SLC14A2: variants seen among roughly 807,000 people sequenced by gnomAD.
SLC14A2 encodes urea transporter 2.
SLC14A2 carries 91 observed loss-of-function variants against 104.6 expected under a neutral mutation model. The observed-to-expected ratio is 0.87, with a 90% CI of 0.73 to 1.04. The LOEUF is 1.04. Ranked by LOEUF, SLC14A2 falls within the 50% of genes least tolerant of loss-of-function variation. The probability of loss-of-function intolerance (pLI) is 0.00; values close to 1 mark genes in which losing one functional copy is unlikely to be tolerated. For missense variants in SLC14A2, 1,189 were observed against 1,156.0 expected, an observed-to-expected ratio of 1.03 and a Z score of -0.41; for synonymous variants, 476 against 466.4, an observed-to-expected ratio of 1.02 and a Z score of -0.27.
chr18:45,664,300 T>C (rs1007144382), intron 11 of SLC14A2, among the ~76,000 whole-genome samples: 1 of 152,114 alleles, frequency 6.6e-6, no homozygotes, highest in South Asian at 2.1e-4. Flanking sequence ...GATGAACAGT[T>C]CCCATCTATG....
chr18:45,309,453 T>C (rs2144210975), intron 1 of SLC14A2, among the ~76,000 whole-genome samples: 1 of 146,444 alleles, frequency 6.8e-6, no homozygotes, highest in East Asian at 1.9e-4. Flanking sequence ...ATTCCCATTG[T>C]ACAGATGGAT....
chr18:45,545,409 T>G (rs1160410053), intron 2 of SLC14A2, among the ~76,000 whole-genome samples: 1 of 152,220 alleles, frequency 6.6e-6, no homozygotes, highest in Non-Finnish European at 1.5e-5. Flanking sequence ...ATCATGCTCT[T>G]GGGCTGATTT....
At chr18:45,573,776 G>A (rs2044381441) in intron 2 of SLC14A2, among the ~76,000 whole-genome samples, 1 of 152,126 alleles carries the variant, frequency 6.6e-6, no homozygotes, top group African/African-American at 2.4e-5. Flanking sequence ...AAATTCTGTA[G>A]GCCAATGAGT....
At chr18:45,424,089 G>C (rs919112090) in intron 1 of SLC14A2, 1 of 152,256 alleles carries the variant, frequency 6.6e-6, no homozygotes, top group Non-Finnish European at 1.5e-5. Context: ...CAGAGGGAGG[G>C]AGGTTGAAGA....
At chr18:45,457,814 G>T (rs967031109) in intron 1 of SLC14A2, among the ~76,000 whole-genome samples, 4 of 151,956 alleles carry the variant, frequency 2.6e-5, no homozygotes, top group Non-Finnish European at 4.4e-5. Context: ...CTACCTAATT[G>T]TGCGTCTGTC....
chr18:45,452,245 G>A (rs1327154709), intron 1 of SLC14A2, among the ~76,000 whole-genome samples: 1 of 152,166 alleles, frequency 6.6e-6, no homozygotes, highest in African/African-American at 2.4e-5. Flanking sequence ...TTACTAAACA[G>A]GACAGTGCCT....
intron 1 of SLC14A2, among the ~76,000 whole-genome samples, chr18:45,280,415 G>A (rs534304443): frequency 6.6e-5 from 10 of 152,080 alleles, no homozygotes; most frequent in Admixed American, 3.3e-4. Context: ...GGTTGGAAGC[G>A]GCAGGGAATG....
intron 2 of SLC14A2, among the ~76,000 whole-genome samples, chr18:45,555,692 AG>A (rs1348115581): frequency 6.6e-6 from 1 of 152,190 alleles, no homozygotes; most frequent in Non-Finnish European, 1.5e-5. Flanking sequence ...AGACACTCTG[AG>A]TGGATGTATT....
intron 1 of SLC14A2, among the ~76,000 whole-genome samples, chr18:45,274,288 C>G (rs1599634464): frequency 6.6e-6 from 1 of 152,158 alleles, no homozygotes; most frequent in African/African-American, 2.4e-5. Context: ...GGCTAAACAT[C>G]TGGCTGAATG....
rs182841015 is a variant in SLC14A2, at chr18:45,339,525, A to C, written c.-125+126334A>C. Among the ~76,000 whole-genome samples the C allele has an allele frequency of 2.0e-5, 3 of 152,292 alleles. No homozygotes were observed. The East Asian group carries it at 5.8e-4, about 29-fold the overall frequency. ...TATTAAGGAACTACACATACTCATC[A>C]ATCACCTCTAGGGTATAGATTAAAA... On this transcript the variant is annotated intron_variant, in intron 1 of 20. Coordinates refer to the SLC14A2 transcript ENST00000586448.
chr18:45,480,620 C>T (rs4273137), intron 1 of SLC14A2, among the ~76,000 whole-genome samples: 22,702 of 152,146 alleles, frequency 0.15, 1,793 homozygotes, highest in Middle Eastern at 0.24. Context: ...TTGAGATTAC[C>T]CCCACAGCCC....
At chr18:45,534,223 C>T (rs2043745433) in intron 2 of SLC14A2, among the ~76,000 whole-genome samples, 1 of 152,134 alleles carries the variant, frequency 6.6e-6, no homozygotes, top group African/African-American at 2.4e-5. Context: ...TTCCCCTCCT[C>T]ATCACTGCAG....
At chr18:45,573,147 T>G (rs1274920164) in intron 2 of SLC14A2, among the ~76,000 whole-genome samples, 1 of 152,176 alleles carries the variant, frequency 6.6e-6, no homozygotes, top group Non-Finnish European at 1.5e-5. Context: ...ACTAATAGAT[T>G]GATTCACAAA....
Position 45,584,089 on chromosome 18 carries a change from A to T in SLC14A2, c.-34-40542A>T, listed in dbSNP as rs1239381502. On this transcript the variant is annotated intron_variant, in intron 2 of 20. Coordinates refer to the SLC14A2 transcript ENST00000586448. ...TGTATTTATACTGCAGTATATGTCA[A>T]CTTGAACTTGCTGTATTTGGCTAGT... Among the ~76,000 whole-genome samples, 6 of 152,362 alleles carry T rather than the reference A, an allele frequency of 3.9e-5. No homozygotes were observed. The South Asian group carries it at 8.3e-4, about 21-fold the overall frequency.
At chr18:45,634,008 T>C (rs1325814267) in intron 5 of SLC14A2, among the ~76,000 whole-genome samples, 1 of 152,174 alleles carries the variant, frequency 6.6e-6, no homozygotes, top group Non-Finnish European at 1.5e-5. Context: ...ACTACATAGA[T>C]TAAGCCCCTC....
chr18:45,281,046 G>A (rs1216614804), intron 1 of SLC14A2, among the ~76,000 whole-genome samples: 2 of 152,148 alleles, frequency 1.3e-5, no homozygotes, highest in African/African-American at 4.8e-5. Flanking sequence ...GCTGTCCCTT[G>A]AACATCAGTC....
At chr18:45,588,598 GTTA>G (rs1298693990) in intron 2 of SLC14A2, among the ~76,000 whole-genome samples, 1 of 152,196 alleles carries the variant, frequency 6.6e-6, no homozygotes, top group East Asian at 1.9e-4. Flanking sequence ...GCCAGAGGGT[GTTA>G]CTAAAACTCC....
chr18:45,603,462 T>C (rs1799275002), intron 2 of SLC14A2, among the ~76,000 whole-genome samples: 2 of 152,112 alleles, frequency 1.3e-5, no homozygotes, highest in South Asian at 2.1e-4. Flanking sequence ...AATAGTGTAT[T>C]ACATTGAATT....
intron 1 of SLC14A2, among the ~76,000 whole-genome samples, chr18:45,396,609 T>G (rs938461100): frequency 4.6e-5 from 7 of 151,386 alleles, no homozygotes; most frequent in African/African-American, 1.5e-4. Context: ...AGCTTGGGAG[T>G]CAACCTGGTT....
Sources: gnomAD v4.1 joint callset for allele counts (sites outside exome capture counted in the v4.1 genomes callset) on GRCh38, gnomAD v4.1.1 for gene constraint, MANE v1.5 for transcripts, NCBI Gene and HGNC (gene_info 2026-07-23, HGNC 2026-07-21) for gene names.